The following VMP1 variants were observed in gnomAD, a reference collection of about 807,000 sequenced individuals.
VMP1 encodes the protein vacuole membrane protein 1.
VMP1 carries 11 observed loss-of-function variants against 56.0 expected under a neutral mutation model. The ratio of observed to expected loss-of-function variants is 0.20; its 90% CI spans 0.12 to 0.32. The LOEUF is 0.32. Among genes scored for constraint, VMP1 ranks in the 10% least tolerant of loss-of-function variants. The probability of loss-of-function intolerance (pLI) is 1.00; values close to 1 mark genes in which losing one functional copy is unlikely to be tolerated. For missense variants in VMP1, 296 were observed against 490.3 expected (o/e 0.60, Z 3.74); for synonymous variants, 149 against 165.0 (o/e 0.90, Z 0.74).
intron 7 of VMP1, among the ~76,000 whole-genome samples, chr17:59,777,135 C>G (rs539492264): frequency 6.6e-6 from 1 of 152,242 alleles, no homozygotes; most frequent in South Asian, 2.1e-4. Context: ...TCTGGACTTG[C>G]TGTTCAGTTG....
chr17:59,797,164 C>T lies in VMP1; in HGVS notation c.715-11632C>T, dbSNP rs532687443. 4.4e-3 allele frequency among the ~76,000 whole-genome samples: 669 copies of T among 151,220 alleles called. 5 individuals are homozygous for T. The highest frequency in any genetic ancestry group is 7.3e-3 in the Non-Finnish European group (492 of 67,738). Reference sequence around the variant, plus strand: ...CTGGCCAGCATGGTGAAACCCCCCCCCCGTCTCTACTAAAAATACAAAAAT... The same window carrying T: ...CTGGCCAGCATGGTGAAACCCCCCCTCCGTCTCTACTAAAAATACAAAAAT... On this transcript the variant is annotated intron_variant, in intron 7 of 11. Coordinates refer to ENST00000262291, the MANE Select transcript of VMP1 (RefSeq NM_030938.5).
At position 59,818,850 on chromosome 17, in the gene VMP1, C is replaced by T. The variant is rs530316322; in HGVS notation, c.974+1077C>T. Among the ~76,000 whole-genome samples the T allele has an allele frequency of 1.2e-4, 18 of 152,116 alleles. No homozygotes were observed. The East Asian group carries it at 1.5e-3, about 13-fold the overall frequency. ...TTCATTCAGTAGTACAGCTGCCCCA[C>T]GGGGGAAATGTGTCAAGTTTAAGTG... On this transcript the variant is annotated intron_variant, in intron 10 of 11. Transcript: ENST00000262291.
chr17:59,800,767 C>T (rs2037610734), intron 7 of VMP1, among the ~76,000 whole-genome samples: 6 of 152,164 alleles, frequency 3.9e-5, no homozygotes, highest in South Asian at 4.2e-4. Context: ...AAACCTATTA[C>T]GCTGCCAGTC....
At chr17:59,753,480 C>A (rs1404863415) in intron 5 of VMP1, among the ~76,000 whole-genome samples, 1 of 152,098 alleles carries the variant, frequency 6.6e-6, no homozygotes, top group Non-Finnish European at 1.5e-5. Flanking sequence ...TATGATTCAT[C>A]AAGTTACAAG....
At chr17:59,804,040 C>A (rs981020847) in intron 7 of VMP1, among the ~76,000 whole-genome samples, 3 of 151,150 alleles carry the variant, frequency 2.0e-5, no homozygotes, top group Non-Finnish European at 2.9e-5. Context: ...ATAAAATTCT[C>A]ATTATAAAGG....
At chr17:59,726,455 A>G (rs898051620) in intron 1 of VMP1, among the ~76,000 whole-genome samples, 24 of 151,858 alleles carry the variant, frequency 1.6e-4, no homozygotes, top group African/African-American at 5.6e-4. Flanking sequence ...CACCACACCC[A>G]GCTAATTTAT....
chr17:59,738,834 C>T lies in VMP1; in HGVS notation c.304-3C>T. ...CGGTTTTCACCTCATCCCTTTTTTT[C>T]AGTATGTGCAACGTATAGAGAAACA... is the stretch of plus-strand genomic sequence containing the variant. On this transcript the variant is annotated splice_region_variant and splice_polypyrimidine_tract_variant and intron_variant, in intron 4 of 11. Coordinates refer to ENST00000262291, the MANE Select transcript of VMP1 (RefSeq NM_030938.5). The T allele has an allele frequency of 6.2e-7, 1 of 1,602,592 alleles. No homozygotes were observed. The highest frequency in any genetic ancestry group is 8.5e-7 in the Non-Finnish European group (1 of 1,172,940).
chr17:59,781,364 T>TA (rs1452087829), intron 7 of VMP1, among the ~76,000 whole-genome samples: 1 of 152,156 alleles, frequency 6.6e-6, no homozygotes, highest in Non-Finnish European at 1.5e-5. Flanking sequence ...CAGTGTAGGG[T>TA]AATAATCACT....
intron 6 of VMP1, among the ~76,000 whole-genome samples, chr17:59,771,269 C>G (rs1244988937): frequency 6.6e-6 from 1 of 151,688 alleles, no homozygotes; most frequent in Non-Finnish European, 1.5e-5. Flanking sequence ...ACCTCCCAGG[C>G]TTAAACAATC....
chr17:59,809,537 C>A (rs1200798989), intron 8 of VMP1, among the ~76,000 whole-genome samples: 2 of 98,310 alleles, frequency 2.0e-5, no homozygotes, highest in Non-Finnish European at 3.5e-5. Context: ...GACGGAGTCT[C>A]GCTCTGTCGC....
intron 10 of VMP1, among the ~76,000 whole-genome samples, chr17:59,823,900 G>A (rs1432135364): frequency 6.6e-6 from 1 of 152,144 alleles, no homozygotes; most frequent in African/African-American, 2.4e-5. Flanking sequence ...CAAAAGACAA[G>A]CAAGAAAAAA....
chr17:59,753,897 G>A (rs1363309531), intron 5 of VMP1, among the ~76,000 whole-genome samples: 1 of 152,084 alleles, frequency 6.6e-6, no homozygotes, highest in Non-Finnish European at 1.5e-5. Context: ...AGAAAAGTTG[G>A]GAACTATTCA....
intron 11 of VMP1, chr17:59,839,218 T>C (rs1408837563): frequency 6.6e-6 from 1 of 152,458 alleles, no homozygotes; most frequent in Non-Finnish European, 1.5e-5. Flanking sequence ...GGTCTCAAAC[T>C]GACCTCAGAT....
At chr17:59,782,988 C>T (rs1202852253) in intron 7 of VMP1, among the ~76,000 whole-genome samples, 2 of 152,040 alleles carry the variant, frequency 1.3e-5, no homozygotes, top group Admixed American at 1.3e-4. Flanking sequence ...GAGGTCAGGA[C>T]ATCGAGACCA....
intron 7 of VMP1, among the ~76,000 whole-genome samples, chr17:59,802,218 CAAAAT>C (rs1031114834): frequency 3.3e-5 from 5 of 151,636 alleles, no homozygotes; most frequent in African/African-American, 1.2e-4. Context: ...ATAAATAAAA[CAAAAT>C]AAAATAAAAA....
At chr17:59,787,816 T>A (rs2037058772) in intron 7 of VMP1, among the ~76,000 whole-genome samples, 2 of 151,946 alleles carry the variant, frequency 1.3e-5, no homozygotes, top group South Asian at 4.1e-4. Flanking sequence ...GTGAACTTTG[T>A]CTCAAAAATA....
chr17:59,756,567 T>A (rs929064204), intron 5 of VMP1, among the ~76,000 whole-genome samples: 3 of 152,236 alleles, frequency 2.0e-5, no homozygotes, highest in African/African-American at 7.2e-5. Context: ...ACATTACAGA[T>A]GTTGTCCAAA....
At chr17:59,812,425 G>C (rs1242421990) in intron 9 of VMP1, among the ~76,000 whole-genome samples, 1 of 152,168 alleles carries the variant, frequency 6.6e-6, no homozygotes, top group African/African-American at 2.4e-5. Context: ...GAGGGTGTGT[G>C]CATGTGTATG....
intron 5 of VMP1, among the ~76,000 whole-genome samples, chr17:59,739,475 A>G (rs2035133650): frequency 6.6e-6 from 1 of 151,860 alleles, no homozygotes; most frequent in Non-Finnish European, 1.5e-5. Flanking sequence ...CTGTAATCCC[A>G]GCACTTTGGG....
Sources: gnomAD v4.1 joint callset for allele counts (sites outside exome capture counted in the v4.1 genomes callset) on GRCh38, gnomAD v4.1.1 for gene constraint, MANE v1.5 for transcripts, NCBI Gene and HGNC (gene_info 2026-07-23, HGNC 2026-07-21) for gene names.